Variants in SLC12A6 observed in about 807,000 individuals in gnomAD.
SLC12A6 encodes solute carrier family 12 member 6.
SLC12A6 carries 66 observed loss-of-function variants against 135.3 expected under a neutral mutation model. The observed-to-expected ratio is 0.49, with a 90% CI of 0.40 to 0.60. The LOEUF (loss-of-function observed/expected upper bound fraction) is 0.60, where lower values mean the gene tolerates loss of function less well. SLC12A6 is among the 20% of genes least tolerant of loss of function. The pLI, the probability that SLC12A6 is intolerant of heterozygous loss-of-function variation, is 0.00. For missense variants in SLC12A6, 1,058 were observed against 1,452.3 expected (o/e 0.73, Z 4.41); for synonymous variants, 513 against 508.8 (o/e 1.01, Z -0.11).
At position 34,327,356 on chromosome 15, in the gene SLC12A6, G is replaced by A. The variant is rs1204601198; in HGVS notation, c.271+9054C>T. Among the ~76,000 whole-genome samples, 3 of 152,008 alleles carry A rather than the reference G, an allele frequency of 2.0e-5. No homozygotes were observed. The East Asian group carries it at 5.8e-4, about 29-fold the overall frequency. Reference sequence around the variant, plus strand: ...ATGTAAATTAGCCAGCTGTAAAAAAGGCTGTTAAAAAAACAAACAAACAAC... The same window carrying A: ...ATGTAAATTAGCCAGCTGTAAAAAAAGCTGTTAAAAAAACAAACAAACAAC... On this transcript the variant is annotated intron_variant, in intron 2 of 25. Transcript: ENST00000354181.
At chr15:34,285,692 ATGTG>A (rs1421816904) in intron 2 of SLC12A6, among the ~76,000 whole-genome samples, 1,721 of 12,890 alleles carry the variant, frequency 0.13, 15 homozygotes, top group Middle Eastern at 0.34. Context: ...AATGTGCTAT[ATGTG>A]TGTGTGTGTG....
At chr15:34,302,957 CA>C (rs35647149) in intron 2 of SLC12A6, among the ~76,000 whole-genome samples, 5,819 of 83,362 alleles carry the variant, frequency 0.07, 73 homozygotes, top group Non-Finnish European at 0.08. Context: ...GACCCTGTCT[CA>C]AAAAAAAAAA....
chr15:34,244,778 C>T (rs761669435), intron 15 of SLC12A6, among the ~76,000 whole-genome samples: 16 of 152,314 alleles, frequency 1.1e-4, no homozygotes, highest in East Asian at 1.9e-4. Flanking sequence ...TCACTTCCTC[C>T]GGAAAATCTT....
intron 2 of SLC12A6, among the ~76,000 whole-genome samples, chr15:34,322,535 A>AT (rs985426086): frequency 6.6e-6 from 1 of 152,192 alleles, no homozygotes; most frequent in Non-Finnish European, 1.5e-5. Flanking sequence ...AGGTGAACTG[A>AT]TTCTGCAATT....
intron 2 of SLC12A6, among the ~76,000 whole-genome samples, chr15:34,324,295 TA>T (rs1246394840): frequency 6.6e-6 from 1 of 152,162 alleles, no homozygotes; most frequent in East Asian, 1.9e-4. Context: ...TTGTATACTT[TA>T]AAAAAATTAT....
At chr15:34,337,256 C>T (rs1890262433) in intron 1 of SLC12A6, 76 bp downstream of exon 1, 1 of 167,562 alleles carries the variant, frequency 6.0e-6, no homozygotes. Flanking sequence ...GCAAAGCCAC[C>T]CGGTGTTTTT....
At chr15:34,268,193 T>C (rs1786369572) in intron 3 of SLC12A6, among the ~76,000 whole-genome samples, 1 of 152,252 alleles carries the variant, frequency 6.6e-6, no homozygotes, top group Admixed American at 6.5e-5. Flanking sequence ...TGCTACCTGC[T>C]GTCCAAGCCA....
At chr15:34,288,285 A>G (rs1233968716) in intron 2 of SLC12A6, among the ~76,000 whole-genome samples, 1 of 152,132 alleles carries the variant, frequency 6.6e-6, no homozygotes, top group Non-Finnish European at 1.5e-5. Context: ...CAAAGATCAG[A>G]TGGTGGTAGA....
intron 2 of SLC12A6, among the ~76,000 whole-genome samples, chr15:34,322,671 T>C (rs1259509310): frequency 6.6e-6 from 1 of 151,744 alleles, no homozygotes; most frequent in Non-Finnish European, 1.5e-5. Flanking sequence ...TTCAAGCTCC[T>C]GTATGCTTGA....
At position 34,250,271 on chromosome 15, in the gene SLC12A6, A is replaced by C. The variant is rs1231795366; in HGVS notation, c.1649+27T>G. The C allele has an allele frequency of 7.9e-6, 10 of 1,267,458 alleles. No homozygotes were observed. In the Admixed American group the frequency reaches 1.7e-4, roughly 21 times the overall value. 78.5% of individuals were successfully genotyped at this position (1,267,458 alleles called of 1,614,324 possible). On this transcript the variant is annotated intron_variant, in intron 13 of 25. Coordinates refer to ENST00000354181, the MANE Select transcript of SLC12A6 (RefSeq NM_001365088.1). Reference sequence around the variant, plus strand: ...AGAAGTCATGGCAGACACACACATAATTGTTACAAAGAAATTCATTACTCA... The same window carrying C: ...AGAAGTCATGGCAGACACACACATACTTGTTACAAAGAAATTCATTACTCA...
rs1178589610 is a variant in SLC12A6, at chr15:34,236,832, A to ATTT, written c.2935-18_2935-17insAAA. Reference sequence around the variant, plus strand: ...ACTGTCATGCTGCCATAGACATCACATAAAAGGGGCAAAAAGCACAAAGGA... The same window carrying ATTT: ...ACTGTCATGCTGCCATAGACATCACATTTTAAAAGGGGCAAAAAGCACAAAGGA... On this transcript the variant is annotated splice_polypyrimidine_tract_variant and intron_variant, in intron 22 of 25. Coordinates refer to ENST00000354181, the MANE Select transcript of SLC12A6 (RefSeq NM_001365088.1). 8 of 1,431,840 alleles carry ATTT rather than the reference A, an allele frequency of 5.6e-6. No individual in the cohort carries two copies. The highest frequency in any genetic ancestry group is 7.9e-6 in the Non-Finnish European group (8 of 1,013,156). 88.7% of individuals were successfully genotyped at this position (1,431,840 alleles called of 1,614,324 possible). A position where few individuals can be genotyped will look rare whatever the true frequency, so the allele number is the denominator to read the frequency against.
intron 2 of SLC12A6, among the ~76,000 whole-genome samples, chr15:34,306,152 T>C (rs1896600160): frequency 6.6e-6 from 1 of 152,198 alleles, no homozygotes; most frequent in African/African-American, 2.4e-5. Context: ...AGATGGGTTG[T>C]TTATCTTTGT....
intron 2 of SLC12A6, among the ~76,000 whole-genome samples, chr15:34,278,632 C>T (rs1015349970): frequency 1.3e-5 from 2 of 151,882 alleles, no homozygotes; most frequent in South Asian, 2.1e-4. Flanking sequence ...AGTGCAGTAG[C>T]GCGATCTCGG....
At chr15:34,332,526 G>A (rs1048518233) in intron 2 of SLC12A6, among the ~76,000 whole-genome samples, 2 of 152,314 alleles carry the variant, frequency 1.3e-5, no homozygotes, top group East Asian at 1.9e-4. Flanking sequence ...GTTCACACCT[G>A]TAATCCCTGA....
At chr15:34,241,573 C>T (rs1428266589) in intron 17 of SLC12A6, among the ~76,000 whole-genome samples, 3 of 152,158 alleles carry the variant, frequency 2.0e-5, no homozygotes. Flanking sequence ...AGGGGTCACT[C>T]ATTCAGTCCT....
chr15:34,271,971 CT>C (rs923211059), intron 3 of SLC12A6, among the ~76,000 whole-genome samples: 2 of 151,324 alleles, frequency 1.3e-5, no homozygotes, highest in Admixed American at 1.3e-4. Context: ...TTTTCTTTTT[CT>C]TTTTTTGTTT....
At chr15:34,274,012 T>C (rs956586864) in intron 3 of SLC12A6, among the ~76,000 whole-genome samples, 1 of 152,194 alleles carries the variant, frequency 6.6e-6, no homozygotes, top group Non-Finnish European at 1.5e-5. Flanking sequence ...CCTACAAATA[T>C]ACTGGCATTA....
intron 3 of SLC12A6, among the ~76,000 whole-genome samples, chr15:34,272,829 G>A (rs1235420632): frequency 2.0e-5 from 3 of 152,150 alleles, no homozygotes; most frequent in Admixed American, 6.5e-5. Context: ...CACTAGCTAA[G>A]CTGCCTCCAT....
At chr15:34,324,247 C>T (rs1595575412) in intron 2 of SLC12A6, among the ~76,000 whole-genome samples, 2 of 151,792 alleles carry the variant, frequency 1.3e-5, no homozygotes, top group African/African-American at 2.4e-5. Flanking sequence ...TATTATTCAA[C>T]GATAAACAGG....
Sources: allele counts gnomAD v4.1 joint callset (sites outside exome capture counted in the v4.1 genomes callset), GRCh38; gene constraint gnomAD v4.1.1; transcripts MANE v1.5; gene names NCBI Gene and HGNC (gene_info 2026-07-23, HGNC 2026-07-21).